The following A2ML1 variants were observed in gnomAD, a reference collection of about 807,000 sequenced individuals.
A2ML1 encodes alpha-2-macroglobulin like 1.
A neutral mutation model predicts 181.9 loss-of-function variants in A2ML1; 161 were observed. That is an observed-to-expected ratio of 0.89 (90% CI 0.78 to 1.01). The LOEUF is 1.01. Among genes scored for constraint, A2ML1 ranks in the 50% least tolerant of loss-of-function variants. The pLI is 0.00. For synonymous variants in A2ML1, 663 were observed against 666.8 expected, an observed-to-expected ratio of 0.99 and a Z score of 0.09; for missense variants, 1,670 against 1,768.1, an observed-to-expected ratio of 0.94 and a Z score of 1.00.
chr12:8,827,580 G>C (rs1232653093), intron 3 of A2ML1, among the ~76,000 whole-genome samples: 2 of 152,142 alleles, frequency 1.3e-5, no homozygotes, highest in East Asian at 3.9e-4. Flanking sequence ...CACTATCTTT[G>C]TTTCTGGGAG....
In A2ML1 at chr12:8,848,912, C is replaced by T. The variant is rs200503836; in HGVS notation, c.2026C>T (p.Arg676Trp). 486 of 1,610,288 alleles carry T rather than the reference C, an allele frequency of 3.0e-4. 1 individual carries two copies. The highest frequency in any genetic ancestry group is 2.1e-3 in the Middle Eastern group (12 of 5,730). The stretch of plus-strand genomic sequence containing the variant: ...AGGCACGGACCTTTTCAGCTTTTTC[C>T]GGGTAGGTCTTCTTACCCATTTTGT... ...SEGTDLFSFF[R>W]DVGLKILSNA... The change falls in exon 16 of 36, where the codon CGG (arginine) becomes TGG (tryptophan). Residue 676 changes from arginine (R) to tryptophan (W), a missense_variant and splice_region_variant. Arg to Trp is a moderately radical substitution (Grantham distance 101, BLOSUM62 -3). Coordinates refer to ENST00000299698, the MANE Select transcript of A2ML1 (RefSeq NM_144670.6).
intron 33 of A2ML1, among the ~76,000 whole-genome samples, chr12:8,871,185 T>C (rs1246219045): frequency 6.6e-6 from 1 of 152,214 alleles, no homozygotes; most frequent in Non-Finnish European, 1.5e-5. Context: ...GTTCCTGATG[T>C]CTAATTTTGT....
chr12:8,831,853 G>C (rs1943124773), intron 4 of A2ML1, among the ~76,000 whole-genome samples: 1 of 152,054 alleles, frequency 6.6e-6, no homozygotes. Context: ...AGGTTCAAGT[G>C]ATTCTCCTGC....
chr12:8,868,624 G>A lies in A2ML1; in HGVS notation c.4149G>A (p.Gln1383=). ...TCAGTCCCATGGAGGGCACCAATCAGTTAGTAAGTTACTTCTGTTTTCTTC... is the reference window on the plus strand; with the variant it reads ...TCAGTCCCATGGAGGGCACCAATCAATTAGTAAGTTACTTCTGTTTTCTTC... The part of the protein sequence containing the change: ...SGFSPMEGTN[Q]LLLQQPLVKK... The change falls in exon 32 of 36, where the codon CAG becomes CAA. Residue 1383 remains glutamine (Q), a synonymous_variant. Transcript: ENST00000299698. 2 of 1,613,276 alleles carry A rather than the reference G, an allele frequency of 1.2e-6. No homozygotes were observed. The highest frequency in any genetic ancestry group is 2.7e-5 in the African/African-American group (2 of 74,976).
chr12:8,878,655 T>C (rs73047850), downstream of A2ML1, among the ~76,000 whole-genome samples: 6,489 of 152,210 alleles, frequency 0.043, 209 homozygotes, highest in Non-Finnish European at 0.069. The surrounding 1 kb of genome is among the most constrained non-coding windows in gnomAD (Gnocchi z 4.4). Flanking sequence ...AACCTGCATA[T>C]GTATCTCCTG....
chr12:8,843,977 C>G (rs1419486791), intron 12 of A2ML1, among the ~76,000 whole-genome samples: 1 of 152,076 alleles, frequency 6.6e-6, no homozygotes, highest in Non-Finnish European at 1.5e-5. Flanking sequence ...GCCTCAGTCT[C>G]CCAGAGTGCT....
At chr12:8,838,109 C>T (rs1280402917) in intron 8 of A2ML1, among the ~76,000 whole-genome samples, 2 of 152,120 alleles carry the variant, frequency 1.3e-5, no homozygotes, top group African/African-American at 2.4e-5. Context: ...TACAATTTTC[C>T]AGTTTTGAAG....
intron 26 of A2ML1, among the ~76,000 whole-genome samples, chr12:8,859,846 G>A (rs1262263414): frequency 1.3e-5 from 2 of 151,944 alleles, no homozygotes; most frequent in African/African-American, 4.8e-5. Flanking sequence ...GATTACAAGC[G>A]TGACCTATGC....
downstream of A2ML1, among the ~76,000 whole-genome samples, chr12:8,880,949 G>A (rs1592169226): frequency 6.6e-6 from 1 of 152,124 alleles, no homozygotes; most frequent in East Asian, 1.9e-4. Flanking sequence ...CTTTTTTGTT[G>A]GAACACAAAA....
chr12:8,823,873 G>A lies in A2ML1; in HGVS notation c.400G>A (p.Gly134Arg). 1.2e-6 allele frequency: 2 copies of A among 1,611,714 alleles called. No homozygotes were observed. Residue 134 changes from glycine (G) to arginine (R), a missense_variant, in exon 3 of 36, where the codon GGG becomes AGG. Coordinates refer to ENST00000299698, the MANE Select transcript of A2ML1 (RefSeq NM_144670.6). ...GACTGACAAACCTCTCTACACCCCA[G>A]GGCAGCAAGGTAAGAGTCACATATT... ...VQTDKPLYTP[G>R]QQVYFRIVTM...
chr12:8,870,469 G>A (rs1025896976), intron 33 of A2ML1, among the ~76,000 whole-genome samples: 3 of 152,002 alleles, frequency 2.0e-5, no homozygotes, highest in East Asian at 1.9e-4. Flanking sequence ...GGGTTTCACC[G>A]TGTTAGCCAG....
chr12:8,835,027 G>A lies in A2ML1; in HGVS notation c.483+345G>A, dbSNP rs962571499. On this transcript the variant is annotated intron_variant, in intron 5 of 35. Coordinates refer to ENST00000299698, the MANE Select transcript of A2ML1 (RefSeq NM_144670.6). ...CCCTTGCCATAGGCATTCTCAACAGGTACGTGATAACATAAACACCTGTGA... is the reference window on the plus strand; with the variant it reads ...CCCTTGCCATAGGCATTCTCAACAGATACGTGATAACATAAACACCTGTGA... The A allele has an allele frequency of 2.1e-5, 7 of 337,030 alleles. No homozygotes were observed. The Admixed American group carries it at 3.2e-4, about 15-fold the overall frequency. The allele number at this position is 337,030 out of a possible 1,614,324, so 20.9% of individuals were successfully genotyped here. A position where few individuals can be genotyped will look rare whatever the true frequency, so the allele number is the denominator to read the frequency against.
chr12:8,847,701 G>A lies in A2ML1; in HGVS notation c.1833+3G>A. ...ACAGAGAGCTGAGCAACCGCTCTGT[G>A]AGTAACTGTCTGCTGACAGAGTGGG... On this transcript the variant is annotated splice_donor_region_variant and intron_variant, in intron 15 of 35. Coordinates refer to ENST00000299698, the MANE Select transcript of A2ML1 (RefSeq NM_144670.6). 1 of 1,608,376 alleles carries A rather than the reference G, an allele frequency of 6.2e-7. No homozygotes were observed. Among genetic ancestry groups the A allele is most frequent in the Non-Finnish European group, 8.5e-7 (1 of 1,177,966 alleles).
intron 28 of A2ML1, 107 bp from the exon 29 acceptor site, chr12:8,863,687 A>T: frequency 9.1e-7 from 1 of 1,100,804 alleles, no homozygotes; most frequent in Non-Finnish European, 1.3e-6. Context: ...TACTCTGTTT[A>T]ATTCTCAGTT....
rs774360683 is a variant in A2ML1 at position 8,823,247 on chromosome 12, T to A, written c.128T>A (p.Leu43Gln). Residue 43 changes from leucine (L) to glutamine (Q), a missense_variant, in exon 2 of 36, where the codon CTG becomes CAG. Leu to Gln is a moderately radical substitution (Grantham distance 113). Coordinates refer to ENST00000299698, the MANE Select transcript of A2ML1 (RefSeq NM_144670.6). ...TCCGTTCAGAAGGTTTGTTTGGACC[T>A]GAGCCCTGGGTACAGTGATGTTAAA... ...FPSVQKVCLD[L>Q]SPGYSDVKFT... 1 of 1,614,194 alleles carries A rather than the reference T, an allele frequency of 6.2e-7. No homozygotes were observed. Among genetic ancestry groups the A allele is most frequent in the Non-Finnish European group, 8.5e-7 (1 of 1,180,016 alleles).
intron 29 of A2ML1, among the ~76,000 whole-genome samples, chr12:8,865,305 C>T (rs1592151993): frequency 6.8e-6 from 1 of 146,634 alleles, no homozygotes; most frequent in Non-Finnish European, 1.5e-5. Flanking sequence ...TTTGGGAGGC[C>T]GAGGCAGGCG....
At chr12:8,842,169 A>G in intron 11 of A2ML1, among the ~76,000 whole-genome samples, 1 of 152,020 alleles carries the variant, frequency 6.6e-6, no homozygotes. Flanking sequence ...GCAAGTGCAA[A>G]AGCTGATGTT....
rs934438042 is a variant in A2ML1 at position 8,834,514 on chromosome 12, A to T, written c.463-148A>T. 5 of 909,538 alleles carry T rather than the reference A, an allele frequency of 5.5e-6. No homozygotes were observed. In the East Asian group the frequency reaches 1.3e-4, roughly 23 times the overall value. 56.3% of individuals were successfully genotyped at this position (909,538 alleles called of 1,614,324 possible). A position where few individuals can be genotyped will look rare whatever the true frequency, so the allele number is the denominator to read the frequency against. On this transcript the variant is annotated intron_variant, in intron 4 of 35. Transcript: ENST00000299698. ...CTGTGCCCCCATTGTTATTCTTTTCAGGGCACAAAAGAGCCATTTAGAAAG... is the reference window on the plus strand; with the variant it reads ...CTGTGCCCCCATTGTTATTCTTTTCTGGGCACAAAAGAGCCATTTAGAAAG...
At chr12:8,823,505 T>C (rs1942816797) in intron 2 of A2ML1, 140 bp downstream of exon 2, 1 of 1,121,214 alleles carries the variant, frequency 8.9e-7, no homozygotes, top group African/African-American at 1.6e-5. Flanking sequence ...TTAACCTCAA[T>C]CCCCGGCTAT....
Sources: gnomAD v4.1 joint callset for allele counts (sites outside exome capture counted in the v4.1 genomes callset) on GRCh38, gnomAD v4.1.1 for gene constraint, Gnocchi (gnomAD v3.1) non-coding constraint, MANE v1.5 for transcripts, NCBI Gene and HGNC (gene_info 2026-07-23, HGNC 2026-07-21) for gene names.